Variants in ZNF438 observed in about 807,000 individuals in gnomAD.
ZNF438 encodes zinc finger protein 438.
ZNF438 carries 25 observed loss-of-function variants against 38.0 expected under a neutral mutation model. That is an observed-to-expected ratio of 0.66 (90% confidence interval 0.48 to 0.92). The LOEUF (loss-of-function observed/expected upper bound fraction) is 0.92, where lower values mean the gene tolerates loss of function less well. ZNF438 is among the 40% of genes least tolerant of loss of function. The pLI is 0.00. For synonymous variants in ZNF438, 372 were observed against 364.1 expected, an observed-to-expected ratio of 1.02 and a Z score of -0.25; for missense variants, 1,007 against 999.6, an observed-to-expected ratio of 1.01 and a Z score of -0.10.
At chr10:30,885,143 T>A (rs2039789794) in intron 3 of ZNF438, among the ~76,000 whole-genome samples, 1 of 152,242 alleles carries the variant, frequency 6.6e-6, no homozygotes, top group Non-Finnish European at 1.5e-5. Flanking sequence ...ATAATAAATT[T>A]GGCCAGGATA....
chr10:30,902,708 T>C (rs1437401348), intron 3 of ZNF438, among the ~76,000 whole-genome samples: 1 of 152,150 alleles, frequency 6.6e-6, no homozygotes, highest in African/African-American at 2.4e-5. Context: ...ACACAAAAGT[T>C]TTCCAAGTCC....
intron 1 of ZNF438, among the ~76,000 whole-genome samples, chr10:30,946,536 A>T (rs1564703053): frequency 6.6e-6 from 1 of 152,236 alleles, no homozygotes; most frequent in Non-Finnish European, 1.5e-5. Context: ...TGGGCGAAGG[A>T]CATGAACAGA....
chr10:30,921,495 T>C (rs971210379), intron 2 of ZNF438, among the ~76,000 whole-genome samples: 1 of 152,226 alleles, frequency 6.6e-6, no homozygotes, highest in Non-Finnish European at 1.5e-5. Context: ...TTCTCCTTTA[T>C]AAATATCTTG....
At chr10:30,978,610 G>C (rs2051715152) in intron 1 of ZNF438, among the ~76,000 whole-genome samples, 2 of 152,040 alleles carry the variant, frequency 1.3e-5, no homozygotes, top group African/African-American at 4.8e-5. Context: ...ACTGCCTCCA[G>C]ATCAGTCACA....
chr10:30,971,223 T>C (rs1589496168), intron 1 of ZNF438, among the ~76,000 whole-genome samples: 1 of 152,280 alleles, frequency 6.6e-6, no homozygotes, highest in African/African-American at 2.4e-5. Context: ...GAGGCTAAAT[T>C]ATATGAAAAA....
intron 2 of ZNF438, among the ~76,000 whole-genome samples, chr10:30,928,332 C>G (rs1485155944): frequency 6.6e-6 from 1 of 151,854 alleles, no homozygotes; most frequent in Non-Finnish European, 1.5e-5. Flanking sequence ...GAAAAATATG[C>G]CTGCTAAATT....
intron 1 of ZNF438, among the ~76,000 whole-genome samples, chr10:30,976,658 C>T (rs1240415732): frequency 3.9e-5 from 6 of 151,902 alleles, no homozygotes; most frequent in African/African-American, 1.5e-4. Flanking sequence ...CCCACTTGAG[C>T]CCTAGAGATT....
intron 4 of ZNF438, among the ~76,000 whole-genome samples, chr10:30,858,345 T>A (rs1489923683): frequency 6.6e-6 from 1 of 152,248 alleles, no homozygotes; most frequent in East Asian, 1.9e-4. Flanking sequence ...CAAGATGGTC[T>A]CTAGTTAAAA....
At chr10:31,009,416 T>G (rs2055448096) in intron 1 of ZNF438, among the ~76,000 whole-genome samples, 1 of 152,208 alleles carries the variant, frequency 6.6e-6, no homozygotes, top group Non-Finnish European at 1.5e-5. Context: ...GCTGCCTTGT[T>G]CAACTCAATA....
intron 2 of ZNF438, among the ~76,000 whole-genome samples, chr10:30,927,660 G>A (rs2934651): frequency 0.14 from 21,116 of 152,232 alleles, 1,712 homozygotes; most frequent in Middle Eastern, 0.24. Flanking sequence ...GACATTGCAC[G>A]TAAAGTGATG....
chr10:30,945,663 TG>T (rs1274239603), intron 1 of ZNF438, among the ~76,000 whole-genome samples: 1 of 139,332 alleles, frequency 7.2e-6, no homozygotes, highest in African/African-American at 2.7e-5. Context: ...TTTGGTTTTT[TG>T]TTCTTGCGAC....
intron 1 of ZNF438, among the ~76,000 whole-genome samples, chr10:31,015,186 T>C (rs1486045823): frequency 6.6e-6 from 1 of 152,194 alleles, no homozygotes; most frequent in African/African-American, 2.4e-5. Flanking sequence ...TTATTGATCT[T>C]GTCATTATCA....
intron 1 of ZNF438, among the ~76,000 whole-genome samples, chr10:30,947,248 A>G (rs182475764): frequency 6.6e-6 from 1 of 152,334 alleles, no homozygotes; most frequent in East Asian, 1.9e-4. Context: ...ATGAAAAAGA[A>G]TAACCATCAG....
intron 1 of ZNF438, among the ~76,000 whole-genome samples, chr10:30,958,817 T>C (rs1374927484): frequency 6.8e-6 from 1 of 147,278 alleles, no homozygotes. Context: ...TAATATGTAG[T>C]CTATTGAGTC....
chr10:30,952,035 A>G (rs918311153), intron 1 of ZNF438, among the ~76,000 whole-genome samples: 8 of 149,870 alleles, frequency 5.3e-5, no homozygotes, highest in African/African-American at 1.7e-4. Context: ...ACAGCATGGT[A>G]CTGGTACCAA....
At chr10:30,896,291 A>C (rs1265718009) in intron 3 of ZNF438, among the ~76,000 whole-genome samples, 1 of 71,480 alleles carries the variant, frequency 1.4e-5, no homozygotes, top group East Asian at 2.4e-4. Context: ...GTGAGACTCC[A>C]TCTCAAAAAA....
At chr10:30,997,305 T>C (rs1178687780) in intron 1 of ZNF438, among the ~76,000 whole-genome samples, 3 of 152,010 alleles carry the variant, frequency 2.0e-5, no homozygotes, top group African/African-American at 4.8e-5. Flanking sequence ...AAGGTTCTTA[T>C]TAGGAGGAAC....
chr10:30,944,610 G>A (rs1390155519), intron 1 of ZNF438, among the ~76,000 whole-genome samples: 1 of 152,174 alleles, frequency 6.6e-6, no homozygotes, highest in Non-Finnish European at 1.5e-5. Flanking sequence ...TGCCACTAGA[G>A]GTGGGGAGAT....
intron 1 of ZNF438, among the ~76,000 whole-genome samples, chr10:30,951,481 A>T (rs972027295): frequency 6.6e-6 from 1 of 152,176 alleles, no homozygotes; most frequent in Non-Finnish European, 1.5e-5. Context: ...AGACGACATG[A>T]TTGTATATCC....
Sources: gnomAD v4.1 joint callset for allele counts (sites outside exome capture counted in the v4.1 genomes callset) on GRCh38, gnomAD v4.1.1 for gene constraint, MANE v1.5 for transcripts, NCBI Gene and HGNC (gene_info 2026-07-23, HGNC 2026-07-21) for gene names.